The following RHOA variants were observed in gnomAD, a reference collection of about 807,000 sequenced individuals.
RHOA encodes the protein transforming protein RhoA.
RHOA carries 3 observed loss-of-function variants against 17.5 expected under a neutral mutation model. That is an observed-to-expected ratio of 0.17 (90% confidence interval 0.08 to 0.44). The LOEUF (loss-of-function observed/expected upper bound fraction) is 0.44, where lower values mean the gene tolerates loss of function less well. Ranked by LOEUF, RHOA falls within the 20% of genes least tolerant of loss-of-function variation. The pLI, the probability that RHOA is intolerant of heterozygous loss-of-function variation, is 0.99. For synonymous variants in RHOA, 98 were observed against 88.4 expected (o/e 1.11, Z -0.61); for missense variants, 56 against 242.3 (o/e 0.23, Z 5.10).
intron 2 of RHOA, among the ~76,000 whole-genome samples, chr3:49,374,068 T>C (rs1041291212): frequency 2.0e-5 from 3 of 152,118 alleles, no homozygotes; most frequent in Non-Finnish European, 4.4e-5. Context: ...AAAAATCTTT[T>C]GGCCGGGCAC....
chr3:49,385,951 T>A (rs747944916), intron 1 of RHOA, among the ~76,000 whole-genome samples: 21 of 152,342 alleles, frequency 1.4e-4, no homozygotes, highest in Admixed American at 1.1e-3. Flanking sequence ...TCCACCTTTA[T>A]ACTAGTACCA....
At chr3:49,393,833 C>CT (rs2048566041) in intron 1 of RHOA, among the ~76,000 whole-genome samples, 1 of 151,290 alleles carries the variant, frequency 6.6e-6, no homozygotes, top group Non-Finnish European at 1.5e-5. Context: ...TCTCAGCCTC[C>CT]TGAGTAGCTG....
Position 49,400,783 on chromosome 3 carries a change from C to A in RHOA, c.-3+11037G>T, listed in dbSNP as rs188552385. ...ATTTCCAGCCGGGCACGGTGGCTCA[C>A]GCCTGTAATTCCAGCACTTTGGGAG... On this transcript the variant is annotated intron_variant, in intron 1 of 4. Transcript: ENST00000418115. 2.7e-3 allele frequency among the ~76,000 whole-genome samples: 415 copies of A among 151,870 alleles called. 4 individuals are homozygous for A. The highest frequency in any genetic ancestry group is 9.3e-3 in the African/African-American group (385 of 41,398).
intron 1 of RHOA, among the ~76,000 whole-genome samples, chr3:49,408,175 A>T (rs867681044): frequency 0.045 from 6,608 of 146,560 alleles, 316 homozygotes; most frequent in African/African-American, 0.13. Flanking sequence ...GAAAAAAAAA[A>T]AAATATATAT....
At chr3:49,369,333 T>G (rs1370542111) in intron 2 of RHOA, among the ~76,000 whole-genome samples, 1 of 151,512 alleles carries the variant, frequency 6.6e-6, no homozygotes, top group Non-Finnish European at 1.5e-5. Flanking sequence ...GAGTATTCAC[T>G]TTTATGAGCA....
At chr3:49,401,292 G>A (rs1291562474) in intron 1 of RHOA, among the ~76,000 whole-genome samples, 4 of 151,986 alleles carry the variant, frequency 2.6e-5, no homozygotes. Context: ...TGGGAGGCAG[G>A]AGGACTGCTT....
intron 1 of RHOA, among the ~76,000 whole-genome samples, chr3:49,405,810 G>A (rs758055881): frequency 3.3e-5 from 5 of 152,048 alleles, no homozygotes; most frequent in Admixed American, 6.6e-5. Flanking sequence ...TCAGCCTTCC[G>A]AGTAGCTGGG....
At chr3:49,377,346 A>C (rs559228870) in intron 1 of RHOA, among the ~76,000 whole-genome samples, 2 of 152,100 alleles carry the variant, frequency 1.3e-5, no homozygotes, top group Non-Finnish European at 2.9e-5. Context: ...TAATCCCAGC[A>C]ATCTGGGAGG....
intron 1 of RHOA, among the ~76,000 whole-genome samples, chr3:49,410,696 AC>A (rs2048918047): frequency 6.6e-6 from 1 of 152,252 alleles, no homozygotes; most frequent in Admixed American, 6.5e-5. Flanking sequence ...TCTGGGTGAT[AC>A]TAAGTGGTTG....
At chr3:49,400,574 A>T (rs540454870) in intron 1 of RHOA, among the ~76,000 whole-genome samples, 1 of 152,200 alleles carries the variant, frequency 6.6e-6, no homozygotes, top group South Asian at 2.1e-4. Flanking sequence ...AGAAGACTGT[A>T]TCAGGACTTG....
chr3:49,406,515 C>T lies in RHOA; in HGVS notation c.-3+5305G>A, dbSNP rs546041953. ...AATCTTGGCCAGGGTAGCTCACGCCCGTAATCCCAGCAGGAAGCTGAGGCG... is the reference window on the plus strand; with the variant it reads ...AATCTTGGCCAGGGTAGCTCACGCCTGTAATCCCAGCAGGAAGCTGAGGCG... On this transcript the variant is annotated intron_variant, in intron 1 of 4. Transcript: ENST00000418115. Among the ~76,000 whole-genome samples, 15 of 152,260 alleles carry T rather than the reference C, an allele frequency of 9.9e-5. No individual in the cohort carries two copies. In the South Asian group the frequency reaches 1.9e-3, roughly 19 times the overall value.
chr3:49,398,343 A>G lies in RHOA; in HGVS notation c.-3+13477T>C, dbSNP rs1475606901. Reference sequence around the variant, plus strand: ...ACTCCACCCTGGGTAACAGAGCAAGACTTTGTCAAAAAAAAAAAGTAAGAT... The same window carrying G: ...ACTCCACCCTGGGTAACAGAGCAAGGCTTTGTCAAAAAAAAAAAGTAAGAT... On this transcript the variant is annotated intron_variant, in intron 1 of 4. Coordinates refer to ENST00000418115, the MANE Select transcript of RHOA (RefSeq NM_001664.4). Among the ~76,000 whole-genome samples the G allele has an allele frequency of 2.6e-5, 4 of 152,134 alleles. No homozygotes were observed. The East Asian group carries it at 7.7e-4, about 29-fold the overall frequency.
chr3:49,360,758 TAAAA>T (rs763329032), intron 4 of RHOA, among the ~76,000 whole-genome samples: 5 of 135,620 alleles, frequency 3.7e-5, no homozygotes, highest in Non-Finnish European at 8.0e-5. Flanking sequence ...GTACCCAGCC[TAAAA>T]AAAAAAAAGA....
rs1027972430 is a variant in RHOA at position 49,368,686 on chromosome 3, T to C, written c.157-138A>G. On this transcript the variant is annotated intron_variant, in intron 2 of 4. Transcript: ENST00000418115. ...GGTCTAAAACAGTAAAACACAGGAG[T>C]ATTTACATTTTTTCTTTTTTCTTTT... The C allele has an allele frequency of 1.7e-5, 14 of 836,912 alleles. No individual in the cohort carries two copies. In the African/African-American group the frequency reaches 1.9e-4, roughly 12 times the overall value. The allele number at this position is 836,912 out of a possible 1,614,324, so 51.8% of individuals were successfully genotyped here. A position where few individuals can be genotyped will look rare whatever the true frequency, so the allele number is the denominator to read the frequency against.
At chr3:49,400,674 T>C (rs549544625) in intron 1 of RHOA, among the ~76,000 whole-genome samples, 249 of 151,204 alleles carry the variant, frequency 1.6e-3, no homozygotes, top group Admixed American at 3.3e-3. Flanking sequence ...TGAGCTATGA[T>C]CATGCCACTG....
chr3:49,385,414 C>T (rs2048381278), intron 1 of RHOA, among the ~76,000 whole-genome samples: 1 of 151,886 alleles, frequency 6.6e-6, no homozygotes, highest in South Asian at 2.1e-4. Flanking sequence ...CGGGGTTTTA[C>T]CATGTTGACC....
chr3:49,400,276 C>A (rs1342475963), intron 1 of RHOA, among the ~76,000 whole-genome samples: 1 of 149,968 alleles, frequency 6.7e-6, no homozygotes, highest in Non-Finnish European at 1.5e-5. Context: ...CCCCCAACAT[C>A]TTCCCTAGTC....
chr3:49,410,128 C>G (rs2048907834), intron 1 of RHOA, among the ~76,000 whole-genome samples: 1 of 152,126 alleles, frequency 6.6e-6, no homozygotes, highest in African/African-American at 2.4e-5. Context: ...TCACCATCAA[C>G]AAGGTTTAAA....
chr3:49,407,986 C>A (rs1160126629), intron 1 of RHOA, among the ~76,000 whole-genome samples: 1 of 151,984 alleles, frequency 6.6e-6, no homozygotes, highest in Non-Finnish European at 1.5e-5. Context: ...ATGGTGAAAC[C>A]CCGTCTCTAC....
Sources: allele counts gnomAD v4.1 joint callset (sites outside exome capture counted in the v4.1 genomes callset), GRCh38; gene constraint gnomAD v4.1.1; transcripts MANE v1.5; gene names NCBI Gene and HGNC (gene_info 2026-07-23, HGNC 2026-07-21).